CNNM2: variants seen among roughly 807,000 people sequenced by gnomAD.
CNNM2 encodes the protein metal transporter CNNM2.
CNNM2 carries 12 observed loss-of-function variants against 66.9 expected under a neutral mutation model. The ratio of observed to expected loss-of-function variants is 0.18; its 90% CI spans 0.11 to 0.29. The LOEUF (loss-of-function observed/expected upper bound fraction) is 0.29. CNNM2 is among the 10% of genes least tolerant of loss of function. The pLI, the probability that CNNM2 is intolerant of heterozygous loss-of-function variation, is 1.00. For synonymous variants in CNNM2, 557 were observed against 501.8 expected (o/e 1.11, Z -1.47); for missense variants, 705 against 1,167.7 (o/e 0.60, Z 5.77).
chr10:103,062,515 G>A (rs974633813), intron 4 of CNNM2, among the ~76,000 whole-genome samples: 5 of 152,182 alleles, frequency 3.3e-5, no homozygotes, highest in Non-Finnish European at 7.3e-5. Flanking sequence ...TTAAGTATAT[G>A]TCAGTATAAA....
intron 4 of CNNM2, among the ~76,000 whole-genome samples, chr10:103,064,833 C>T (rs889080425): frequency 9.9e-5 from 15 of 152,244 alleles, no homozygotes; most frequent in African/African-American, 3.6e-4. Flanking sequence ...GCACTCCAGC[C>T]TGGGTGACAG....
At chr10:102,928,724 G>A (rs1183845690) in intron 1 of CNNM2, among the ~76,000 whole-genome samples, 1 of 152,150 alleles carries the variant, frequency 6.6e-6, no homozygotes, top group Non-Finnish European at 1.5e-5. Flanking sequence ...AAGGGCCTAA[G>A]CTAGTTCCCT....
At chr10:103,046,649 T>G (rs1241293137) in intron 1 of CNNM2, among the ~76,000 whole-genome samples, 1 of 152,232 alleles carries the variant, frequency 6.6e-6, no homozygotes, top group Admixed American at 6.5e-5. Flanking sequence ...AATAAAAATA[T>G]TTTCTAAAAC....
rs10786727 is a variant in CNNM2, at chr10:102,938,766, G to A, written c.1621+18665G>A. 0.41 allele frequency among the ~76,000 whole-genome samples: 61,902 copies of A among 151,758 alleles called. 12,833 individuals carry two copies. Among genetic ancestry groups the A allele is most frequent in the East Asian group, 0.56 (2,879 of 5,158 alleles). On this transcript the variant is annotated intron_variant, in intron 1 of 7. Coordinates refer to ENST00000369878, the MANE Select transcript of CNNM2 (RefSeq NM_017649.5). Reference sequence around the variant, plus strand: ...TAAATAGTCCTATGCCTATTAGACAGTTAAATTTAATTTTTACTGAGTTCC... The same window carrying A: ...TAAATAGTCCTATGCCTATTAGACAATTAAATTTAATTTTTACTGAGTTCC...
At chr10:102,947,113 C>T (rs1442595511) in intron 1 of CNNM2, among the ~76,000 whole-genome samples, 1 of 152,032 alleles carries the variant, frequency 6.6e-6, no homozygotes, top group Non-Finnish European at 1.5e-5. Flanking sequence ...AGTTACTAAC[C>T]CCACTGCCAT....
chr10:103,048,158 CAA>C (rs1199289893), intron 1 of CNNM2, among the ~76,000 whole-genome samples: 2 of 150,362 alleles, frequency 1.3e-5, no homozygotes, highest in African/African-American at 4.9e-5. Flanking sequence ...CTCCTGACTT[CAA>C]GTGATCCGCC....
intron 1 of CNNM2, among the ~76,000 whole-genome samples, chr10:102,975,469 GA>G (rs57482469): frequency 2.9e-4 from 34 of 119,280 alleles, no homozygotes; most frequent in African/African-American, 1.1e-3. Context: ...GATGGAATTA[GA>G]AAAAAAAAAA....
chr10:103,057,090 G>T, intron 4 of CNNM2, 126 bp downstream of exon 4: 2 of 835,498 alleles, frequency 2.4e-6, no homozygotes, highest in African/African-American at 1.7e-5. Flanking sequence ...AGACATGGGA[G>T]AATTTTATCT....
chr10:103,001,956 A>G (rs1313565805), intron 1 of CNNM2, among the ~76,000 whole-genome samples: 1 of 152,224 alleles, frequency 6.6e-6, no homozygotes, highest in Non-Finnish European at 1.5e-5. Flanking sequence ...AGGTCCTGCC[A>G]CTGCGCCCCA....
intron 1 of CNNM2, among the ~76,000 whole-genome samples, chr10:102,961,294 T>C (rs1044580283): frequency 6.6e-6 from 1 of 152,244 alleles, no homozygotes; most frequent in African/African-American, 2.4e-5. Flanking sequence ...GCTCTGGTAA[T>C]GTATCGTTGA....
chr10:102,969,863 A>C (rs1308255278), intron 1 of CNNM2, among the ~76,000 whole-genome samples: 1 of 150,242 alleles, frequency 6.7e-6, no homozygotes, highest in Non-Finnish European at 1.5e-5. Flanking sequence ...GGCTGGTCTC[A>C]AGCTCCTGAC....
chr10:102,937,717 C>T (rs572554566), intron 1 of CNNM2, among the ~76,000 whole-genome samples: 90 of 152,068 alleles, frequency 5.9e-4, no homozygotes, highest in Non-Finnish European at 1.2e-3. Flanking sequence ...ACTCCTAAAA[C>T]GTACATATTC....
At chr10:102,947,551 G>A (rs184071234) in intron 1 of CNNM2, among the ~76,000 whole-genome samples, 1 of 152,294 alleles carries the variant, frequency 6.6e-6, no homozygotes. Context: ...TCAGGAGTTT[G>A]AGATTAGCCT....
At position 102,981,127 on chromosome 10, in the gene CNNM2, C is replaced by T. The variant is rs147728289; in HGVS notation, c.1621+61026C>T. 7.3e-4 allele frequency among the ~76,000 whole-genome samples: 111 copies of T among 152,132 alleles called. 1 individual carries two copies. The highest frequency in any genetic ancestry group is 2.6e-3 in the African/African-American group (108 of 41,530). On this transcript the variant is annotated intron_variant, in intron 1 of 7. Coordinates refer to ENST00000369878, the MANE Select transcript of CNNM2 (RefSeq NM_017649.5). ...ACTTTGGGAGGCTGAAACAGGTGAT[C>T]GCTTGAGTCCAGGACTTCAGACCAT...
Position 103,076,167 on chromosome 10 carries a change from C to A in CNNM2, c.2315C>A (p.Thr772Lys). Reference protein sequence around the residue: ...LSRSDRIDAVTPTLGSSNNQL... With the variant: ...LSRSDRIDAVKPTLGSSNNQL... ...CGAAGCGACCGGATTGACGCCGTCACACCAACACTGGGGAGCAGCAATAAC... is the reference window on the plus strand; with the variant it reads ...CGAAGCGACCGGATTGACGCCGTCAAACCAACACTGGGGAGCAGCAATAAC... The change falls in exon 7 of 8, where the codon ACA (threonine) becomes AAA (lysine). Residue 772 changes from threonine to lysine, a missense_variant. Transcript: ENST00000369878. 6.2e-7 allele frequency: 1 copy of A among 1,606,842 alleles called. No individual in the cohort carries two copies. The highest frequency in any genetic ancestry group is 8.5e-7 in the Non-Finnish European group (1 of 1,176,788).
chr10:102,935,041 C>A (rs926164327), intron 1 of CNNM2, among the ~76,000 whole-genome samples: 3 of 151,554 alleles, frequency 2.0e-5, no homozygotes, highest in African/African-American at 7.3e-5. Flanking sequence ...CACCTGTAAT[C>A]CCAGCTACTT....
chr10:102,960,783 CTTTTTT>C, intron 1 of CNNM2, among the ~76,000 whole-genome samples: 1 of 97,864 alleles, frequency 1.0e-5, no homozygotes, highest in Non-Finnish European at 2.0e-5. Flanking sequence ...CCATACCTGG[CTTTTTT>C]TTTTTTTTTT....
At chr10:102,981,204 G>T (rs936714061) in intron 1 of CNNM2, among the ~76,000 whole-genome samples, 7 of 151,910 alleles carry the variant, frequency 4.6e-5, no homozygotes, top group African/African-American at 1.7e-4. Flanking sequence ...TTAAAAATTA[G>T]CCAGGTGTGA....
At chr10:103,033,192 T>G (rs761445195) in intron 1 of CNNM2, among the ~76,000 whole-genome samples, 1 of 152,086 alleles carries the variant, frequency 6.6e-6, no homozygotes, top group Non-Finnish European at 1.5e-5. Context: ...ATTTTATTTT[T>G]ATTTTTATGT....
Sources: allele counts gnomAD v4.1 joint callset (sites outside exome capture counted in the v4.1 genomes callset), GRCh38; gene constraint gnomAD v4.1.1; transcripts MANE v1.5; gene names NCBI Gene and HGNC (gene_info 2026-07-23, HGNC 2026-07-21).